Variants in CALN1 observed in about 807,000 individuals in gnomAD.
CALN1 encodes the protein calneuron 1.
In CALN1, 17 loss-of-function variants were observed where a neutral mutation model predicts 30.6. The observed-to-expected ratio is 0.56, with a 90% CI of 0.38 to 0.83. The LOEUF (loss-of-function observed/expected upper bound fraction) is 0.83. Ranked by LOEUF, CALN1 falls within the 40% of genes least tolerant of loss-of-function variation. The pLI is 0.00. For missense variants in CALN1, 291 were observed against 354.9 expected (o/e 0.82, Z 1.45); for synonymous variants, 156 against 131.4 (o/e 1.19, Z -1.28).
chr7:71,847,765 A>T (rs1790375160), intron 5 of CALN1, among the ~76,000 whole-genome samples: 1 of 127,302 alleles, frequency 7.9e-6, no homozygotes, highest in African/African-American at 2.8e-5. Context: ...AGAAAGAAGA[A>T]GAAGAAGAAA....
upstream of CALN1, among the ~76,000 whole-genome samples, chr7:72,413,150 C>G (rs1464191266): frequency 1.3e-5 from 2 of 152,084 alleles, no homozygotes; most frequent in African/African-American, 4.8e-5. Flanking sequence ...TGCTCACTTA[C>G]ATGCTTACAC....
At chr7:72,467,574 C>T in the CALN1 span, among the ~76,000 whole-genome samples, 1 of 152,188 alleles carries the variant, frequency 6.6e-6, no homozygotes, top group South Asian at 2.1e-4. Flanking sequence ...ACCTCCCTCA[C>T]TCTAGCCCTC....
chr7:72,491,835 C>T, the CALN1 span, among the ~76,000 whole-genome samples: 7 of 152,190 alleles, frequency 4.6e-5, no homozygotes, highest in Admixed American at 1.3e-4. Flanking sequence ...AACACACCAA[C>T]GGTCATTTTT....
At chr7:72,077,449 T>G (rs1804826990) in intron 4 of CALN1, among the ~76,000 whole-genome samples, 1 of 152,120 alleles carries the variant, frequency 6.6e-6, no homozygotes, top group African/African-American at 2.4e-5. Flanking sequence ...AATTTTTGTA[T>G]TTTTAGTAGA....
intron 3 of CALN1, among the ~76,000 whole-genome samples, chr7:72,120,606 T>TAC (rs1563075481): frequency 6.6e-6 from 1 of 152,204 alleles, no homozygotes; most frequent in East Asian, 1.9e-4. Context: ...AGTCACTTAA[T>TAC]ACACATTGCC....
chr7:72,386,090 A>G (rs1393205062), intron 2 of CALN1, among the ~76,000 whole-genome samples: 1 of 152,250 alleles, frequency 6.6e-6, no homozygotes, highest in East Asian at 1.9e-4. Flanking sequence ...TATGAGGGAT[A>G]AAGGGAAAGG....
At chr7:72,077,673 G>A (rs1004745433) in intron 4 of CALN1, among the ~76,000 whole-genome samples, 9 of 152,126 alleles carry the variant, frequency 5.9e-5, no homozygotes, top group African/African-American at 1.9e-4. Flanking sequence ...GTGTGTATAT[G>A]TGTTTGCAAA....
chr7:71,790,730 A>T (rs1793332971), intron 6 of CALN1, among the ~76,000 whole-genome samples: 1 of 152,216 alleles, frequency 6.6e-6, no homozygotes, highest in South Asian at 2.1e-4. Flanking sequence ...GAATTACTGA[A>T]TCAGACCTCT....
At chr7:71,920,447 C>A (rs533405683) in intron 5 of CALN1, among the ~76,000 whole-genome samples, 1 of 149,558 alleles carries the variant, frequency 6.7e-6, no homozygotes, top group African/African-American at 2.5e-5. Flanking sequence ...ACCATTCTCT[C>A]GCCTCAGCTT....
chr7:72,232,935 G>T (rs572467333), intron 3 of CALN1, among the ~76,000 whole-genome samples: 4 of 151,890 alleles, frequency 2.6e-5, no homozygotes, highest in African/African-American at 9.7e-5. Context: ...TTCATAATTT[G>T]CTATATTTTT....
At position 71,783,930 on chromosome 7, in the gene CALN1, T is replaced by G. The variant is rs1336338583; in HGVS notation, c.*3845A>C. 6.6e-6 allele frequency: 1 copy of G among 152,240 alleles called. No individual in the cohort carries two copies. Among genetic ancestry groups the G allele is most frequent in the East Asian group, 1.9e-4 (1 of 5,188 alleles). The allele number at this position is 152,240 out of a possible 1,614,324, so 9.4% of individuals were successfully genotyped here. A position where few individuals can be genotyped will look rare whatever the true frequency, so the allele number is the denominator to read the frequency against. ...AGAAAGAAGACTCATAAGACACATCTTGTTCTCTGCAAATAAAACACCCAG... is the reference window on the plus strand; with the variant it reads ...AGAAAGAAGACTCATAAGACACATCGTGTTCTCTGCAAATAAAACACCCAG... On this transcript the variant is annotated 3_prime_UTR_variant, in exon 7 of 7. Transcript: ENST00000395275.
chr7:71,788,478 G>GTTTTTT (rs71092906), intron 6 of CALN1, among the ~76,000 whole-genome samples: 11 of 141,832 alleles, frequency 7.8e-5, no homozygotes, highest in East Asian at 2.5e-4. Flanking sequence ...TTACTAAGAG[G>GTTTTTT]TTTTTTTTTG....
At chr7:72,264,384 T>C (rs1194103052) in intron 3 of CALN1, among the ~76,000 whole-genome samples, 1 of 152,192 alleles carries the variant, frequency 6.6e-6, no homozygotes, top group African/African-American at 2.4e-5. Context: ...GTTAAGATCT[T>C]TGAACAAAAT....
intron 5 of CALN1, among the ~76,000 whole-genome samples, chr7:71,877,520 T>C (rs1451243251): frequency 1.3e-5 from 2 of 152,120 alleles, no homozygotes; most frequent in Non-Finnish European, 2.9e-5. Flanking sequence ...AGCTTTTTTC[T>C]CTAATTGGGT....
chr7:71,994,493 C>G (rs1156341197), intron 5 of CALN1, among the ~76,000 whole-genome samples: 1 of 112,342 alleles, frequency 8.9e-6, no homozygotes, highest in East Asian at 2.6e-4. Flanking sequence ...CCCTGGGCGA[C>G]AGAGCAAGAC....
intron 5 of CALN1, among the ~76,000 whole-genome samples, chr7:71,998,913 T>C (rs947003861): frequency 2.6e-5 from 4 of 151,968 alleles, no homozygotes; most frequent in African/African-American, 9.7e-5. Flanking sequence ...GCTGTTCAAG[T>C]ACCCTACATG....
intron 5 of CALN1, among the ~76,000 whole-genome samples, chr7:71,870,718 TGAG>T (rs1791873083): frequency 6.6e-6 from 1 of 152,174 alleles, no homozygotes; most frequent in South Asian, 2.1e-4. Flanking sequence ...AGAAACGTAC[TGAG>T]GAGGAAAATG....
At chr7:72,346,237 G>C (rs1802634049) in intron 2 of CALN1, among the ~76,000 whole-genome samples, 1 of 152,018 alleles carries the variant, frequency 6.6e-6, no homozygotes, top group Non-Finnish European at 1.5e-5. Flanking sequence ...GTTCCAAAAG[G>C]TCAATTGCGC....
chr7:72,166,593 AC>A (rs1455096760), intron 3 of CALN1, among the ~76,000 whole-genome samples: 1 of 152,220 alleles, frequency 6.6e-6, no homozygotes, highest in Non-Finnish European at 1.5e-5. Flanking sequence ...GATAAAACTA[AC>A]AACTACCTCC....
Sources: allele counts gnomAD v4.1 joint callset (sites outside exome capture counted in the v4.1 genomes callset), GRCh38; gene constraint gnomAD v4.1.1; transcripts MANE v1.5; gene names NCBI Gene and HGNC (gene_info 2026-07-23, HGNC 2026-07-21).